Variants in CEP112 observed in about 807,000 individuals in gnomAD.
CEP112 encodes centrosomal protein 112, also known as centrosomal protein of 112 kDa.
A neutral mutation model predicts 153.0 loss-of-function variants in CEP112; 127 were observed. That is an observed-to-expected ratio of 0.83 (90% confidence interval 0.72 to 0.96). The LOEUF (loss-of-function observed/expected upper bound fraction) is 0.96. Ranked by LOEUF, CEP112 falls within the 40% of genes least tolerant of loss-of-function variation. CEP112 has a pLI of 0.00. For synonymous variants in CEP112, 358 were observed against 374.4 expected (o/e 0.96, Z 0.51); for missense variants, 1,089 against 1,101.2 (o/e 0.99, Z 0.16).
chr17:66,166,957 G>A (rs566953306), intron 4 of CEP112, among the ~76,000 whole-genome samples: 164 of 150,856 alleles, frequency 1.1e-3, no homozygotes, highest in Middle Eastern at 7.0e-3. Flanking sequence ...AATATATGGC[G>A]TGAAAAAATG....
intron 2 of CEP112, among the ~76,000 whole-genome samples, chr17:66,181,450 A>G (rs1333427809): frequency 1.3e-5 from 2 of 151,952 alleles, no homozygotes; most frequent in African/African-American, 4.8e-5. Context: ...AGTTCACGCC[A>G]TTCTCCTGCC....
intron 21 of CEP112, among the ~76,000 whole-genome samples, chr17:65,817,432 T>G (rs1276863369): frequency 2.0e-5 from 3 of 151,912 alleles, no homozygotes; most frequent in Non-Finnish European, 2.9e-5. Context: ...TAAATAACTT[T>G]CTTCTTTCCT....
intron 23 of CEP112, among the ~76,000 whole-genome samples, chr17:65,705,768 T>C (rs2048884233): frequency 6.6e-6 from 1 of 152,220 alleles, no homozygotes. Context: ...AAATGTAATG[T>C]TTGGATCCTG....
chr17:65,874,752 C>T (rs1430350421), intron 20 of CEP112, among the ~76,000 whole-genome samples: 2 of 152,078 alleles, frequency 1.3e-5, no homozygotes, highest in African/African-American at 2.4e-5. Flanking sequence ...CAGCATGCTT[C>T]CTAATCCTTC....
intron 11 of CEP112, among the ~76,000 whole-genome samples, chr17:66,061,431 A>G (rs1391412399): frequency 2.0e-5 from 3 of 152,156 alleles, no homozygotes; most frequent in Non-Finnish European, 4.4e-5. Flanking sequence ...TACTAGATAT[A>G]TATCTGAAGA....
chr17:65,692,128 T>C (rs2048133016), intron 23 of CEP112, among the ~76,000 whole-genome samples: 2 of 152,212 alleles, frequency 1.3e-5, no homozygotes, highest in Non-Finnish European at 2.9e-5. Flanking sequence ...GCACCCAGTA[T>C]TATTCCATCT....
At chr17:66,074,866 A>AG (rs943551484) in intron 8 of CEP112, among the ~76,000 whole-genome samples, 6 of 149,734 alleles carry the variant, frequency 4.0e-5, no homozygotes, top group African/African-American at 1.5e-4. Flanking sequence ...TGTCTAAAAA[A>AG]AAAAAAGAAA....
intron 21 of CEP112, among the ~76,000 whole-genome samples, chr17:65,813,374 C>T (rs372063815): frequency 1.1e-4 from 16 of 152,276 alleles, no homozygotes; most frequent in South Asian, 4.1e-4. Context: ...GGAACCCAAT[C>T]AGAGCCTCGT....
intron 23 of CEP112, among the ~76,000 whole-genome samples, chr17:65,740,028 T>G (rs1190346952): frequency 6.6e-6 from 1 of 152,216 alleles, no homozygotes; most frequent in Non-Finnish European, 1.5e-5. Flanking sequence ...CTCAGAGATA[T>G]CCATTAGTAA....
chr17:65,638,505 T>C (rs547605866), intron 25 of CEP112, among the ~76,000 whole-genome samples: 4 of 152,338 alleles, frequency 2.6e-5, no homozygotes, highest in Admixed American at 2.6e-4. Context: ...ACAGTCTTTC[T>C]AAGTGGGTGC....
intron 21 of CEP112, among the ~76,000 whole-genome samples, chr17:65,844,078 CA>C (rs2057626728): frequency 6.6e-6 from 1 of 152,096 alleles, no homozygotes; most frequent in Non-Finnish European, 1.5e-5. Context: ...CATGAACAGG[CA>C]ATTTCCCGAA....
chr17:65,747,884 A>T (rs1422192026), intron 22 of CEP112, among the ~76,000 whole-genome samples: 3 of 152,208 alleles, frequency 2.0e-5, no homozygotes, highest in African/African-American at 7.2e-5. Context: ...ATATTTTCCA[A>T]ATTTAATCTT....
intron 24 of CEP112, among the ~76,000 whole-genome samples, chr17:65,659,857 T>C (rs983640244): frequency 1.3e-5 from 2 of 152,074 alleles, no homozygotes; most frequent in African/African-American, 4.8e-5. Context: ...TGTGGGATAA[T>C]GGAGGCCATC....
intron 6 of CEP112, among the ~76,000 whole-genome samples, chr17:66,099,797 T>A (rs1379779653): frequency 1.3e-5 from 2 of 152,146 alleles, no homozygotes; most frequent in East Asian, 1.9e-4. Context: ...AACACTTTTT[T>A]AAAAAGCTAA....
intron 4 of CEP112, among the ~76,000 whole-genome samples, chr17:66,147,802 G>A (rs528186659): frequency 3.5e-4 from 54 of 152,180 alleles, no homozygotes; most frequent in African/African-American, 1.2e-3. Flanking sequence ...CACCCTTATC[G>A]AAAATTATGT....
chr17:65,794,750 C>CAGG (rs2054806298), intron 21 of CEP112, among the ~76,000 whole-genome samples: 2 of 152,188 alleles, frequency 1.3e-5, no homozygotes, highest in Admixed American at 6.5e-5. Context: ...CTTTCCTTTC[C>CAGG]ACCCACACCC....
intron 21 of CEP112, among the ~76,000 whole-genome samples, chr17:65,817,207 G>C (rs1237152358): frequency 6.6e-6 from 1 of 151,738 alleles, no homozygotes; most frequent in African/African-American, 2.4e-5. Context: ...TTAAAACCCA[G>C]GTATAAGGAG....
intron 19 of CEP112, among the ~76,000 whole-genome samples, chr17:65,919,723 C>T (rs2060631626): frequency 6.6e-6 from 1 of 152,138 alleles, no homozygotes; most frequent in African/African-American, 2.4e-5. Context: ...CAGAATACTC[C>T]AAAAACACAC....
At chr17:65,926,147 G>A (rs995571197) in intron 19 of CEP112, among the ~76,000 whole-genome samples, 2 of 152,090 alleles carry the variant, frequency 1.3e-5, no homozygotes, top group African/African-American at 2.4e-5. Context: ...TCCTACAGCA[G>A]GAACCTTTCT....
Sources: gnomAD v4.1 joint callset for allele counts (sites outside exome capture counted in the v4.1 genomes callset) on GRCh38, gnomAD v4.1.1 for gene constraint, MANE v1.5 for transcripts, NCBI Gene and HGNC (gene_info 2026-07-23, HGNC 2026-07-21) for gene names.